NRG1: variants seen among roughly 807,000 people sequenced by gnomAD.
NRG1 encodes the protein pro-neuregulin-1, membrane-bound isoform.
Under a neutral mutation model 63.8 loss-of-function variants are expected in NRG1, and 18 were observed. The ratio of observed to expected loss-of-function variants is 0.28; its 90% CI spans 0.19 to 0.42. The LOEUF is 0.42. Among genes scored for constraint, NRG1 ranks in the 10% least tolerant of loss-of-function variants. NRG1 has a pLI of 1.00. For missense variants in NRG1, 762 were observed against 814.7 expected (o/e 0.94, Z 0.79); for synonymous variants, 302 against 301.3 (o/e 1.00, Z -0.02).
At chr8:32,223,642 C>G (rs1846041927) in intron 1 of NRG1, among the ~76,000 whole-genome samples, 1 of 152,122 alleles carries the variant, frequency 6.6e-6, no homozygotes, top group African/African-American at 2.4e-5. Context: ...ATTTTTGCAC[C>G]TCCTCAGCAG....
intron 1 of NRG1, among the ~76,000 whole-genome samples, chr8:31,688,404 C>T (rs1042029497): frequency 2.6e-5 from 4 of 152,152 alleles, no homozygotes; most frequent in Non-Finnish European, 4.4e-5. Context: ...TGGGCCCTCA[C>T]TCAATCTGCT....
intron 1 of NRG1, among the ~76,000 whole-genome samples, chr8:32,585,744 A>C (rs868074716): frequency 7.2e-5 from 11 of 152,336 alleles, no homozygotes; most frequent in East Asian, 3.9e-4. Context: ...GCAATTTTGC[A>C]TATCTACTGT....
In NRG1 at chr8:31,894,553, C is replaced by CT. The variant is rs397892970; in HGVS notation, c.37+255137dup. ...CATAATTGCTATTTCTTTCTTTTTT[C>CT]TTTTTTTTTTTTTTTGAGATGGAGT... is the stretch of plus-strand genomic sequence containing the variant. On this transcript the variant is annotated intron_variant, in intron 1 of 10. Transcript: ENST00000519301. Among the ~76,000 whole-genome samples the CT allele has an allele frequency of 1.3e-3, 117 of 91,950 alleles. 1 individual carries two copies. The highest frequency in any genetic ancestry group is 5.3e-3 in the East Asian group (5 of 944). The allele number at this position is 91,950 out of a possible 152,430, so 60.3% of individuals were successfully genotyped here. A position where few individuals can be genotyped will look rare whatever the true frequency, so the allele number is the denominator to read the frequency against.
In NRG1 at chr8:32,274,777, T is replaced by C. The variant is rs1851912910; in HGVS notation, c.38-321051T>C. 3.9e-5 allele frequency among the ~76,000 whole-genome samples: 6 copies of C among 152,184 alleles called. No individual in the cohort carries two copies. In the South Asian group the frequency reaches 1.2e-3, roughly 31 times the overall value. On this transcript the variant is annotated intron_variant, in intron 1 of 10. Transcript: ENST00000519301. ...AGATGTGTCAAATCAAGTTCTGCTA[T>C]TTTAATTTTTTTCCAGGCAAACCCT...
intron 1 of NRG1, among the ~76,000 whole-genome samples, chr8:32,586,171 T>C (rs1841577589): frequency 1.3e-5 from 2 of 148,812 alleles, no homozygotes; most frequent in South Asian, 4.2e-4. Flanking sequence ...TATATATATA[T>C]ATATATATAT....
chr8:31,825,788 G>A (rs770923081), intron 1 of NRG1, among the ~76,000 whole-genome samples: 7 of 152,278 alleles, frequency 4.6e-5, no homozygotes, highest in East Asian at 1.9e-4. Context: ...TCTGTGACAC[G>A]GTCATAGAAT....
At chr8:32,504,099 C>T (rs1264197255) in intron 1 of NRG1, among the ~76,000 whole-genome samples, 1 of 152,172 alleles carries the variant, frequency 6.6e-6, no homozygotes, top group African/African-American at 2.4e-5. Flanking sequence ...CTTTTAGTGC[C>T]ATGCTTGAGC....
At chr8:32,163,361 G>A (rs1017782032) in intron 1 of NRG1, among the ~76,000 whole-genome samples, 7 of 152,308 alleles carry the variant, frequency 4.6e-5, no homozygotes, top group African/African-American at 1.7e-4. Context: ...ACAAGACTAC[G>A]ACACAGTCTT....
At chr8:31,810,069 G>T (rs1224841962) in intron 1 of NRG1, among the ~76,000 whole-genome samples, 1 of 151,856 alleles carries the variant, frequency 6.6e-6, no homozygotes, top group Non-Finnish European at 1.5e-5. Context: ...GCCAACCTTG[G>T]ATTCATCCTG....
At chr8:32,688,079 G>A (rs1022084036) in intron 5 of NRG1, among the ~76,000 whole-genome samples, 8 of 152,112 alleles carry the variant, frequency 5.3e-5, no homozygotes, top group African/African-American at 1.7e-4. Context: ...CTCCCTTAAC[G>A]TTCCAGCTAG....
intron 1 of NRG1, among the ~76,000 whole-genome samples, chr8:32,357,319 A>G (rs55940647): frequency 0.056 from 8,573 of 152,336 alleles, 317 homozygotes; most frequent in Middle Eastern, 0.099. Flanking sequence ...CCCAACTGTT[A>G]GCACAAAGAA....
intron 1 of NRG1, among the ~76,000 whole-genome samples, chr8:31,782,298 C>T (rs562053521): frequency 3.3e-5 from 5 of 152,172 alleles, no homozygotes; most frequent in African/African-American, 1.2e-4. Context: ...TCCTTACTTC[C>T]TTCAGATTTT....
At chr8:32,134,474 T>C (rs1443999052) in intron 1 of NRG1, among the ~76,000 whole-genome samples, 1 of 152,168 alleles carries the variant, frequency 6.6e-6, no homozygotes, top group African/African-American at 2.4e-5. Context: ...GTTTTAATTA[T>C]CTCTTTTATT....
intron 1 of NRG1, among the ~76,000 whole-genome samples, chr8:31,820,377 G>T (rs1424340823): frequency 6.6e-6 from 1 of 152,188 alleles, no homozygotes; most frequent in African/African-American, 2.4e-5. Context: ...GACTCTCGGG[G>T]AGAGTAAAAA....
At chr8:32,523,900 G>A (rs533334443) in intron 1 of NRG1, among the ~76,000 whole-genome samples, 1 of 152,250 alleles carries the variant, frequency 6.6e-6, no homozygotes, top group African/African-American at 2.4e-5. Context: ...GTTGCAAACA[G>A]TAGGTCTATA....
intron 5 of NRG1, among the ~76,000 whole-genome samples, chr8:32,698,054 A>G: frequency 6.6e-6 from 1 of 152,090 alleles, no homozygotes; most frequent in East Asian, 1.9e-4. Flanking sequence ...AAAAATACAA[A>G]AATTAGCTGA....
At chr8:32,578,230 G>A (rs1327668811) in intron 1 of NRG1, among the ~76,000 whole-genome samples, 1 of 152,098 alleles carries the variant, frequency 6.6e-6, no homozygotes, top group Non-Finnish European at 1.5e-5. Context: ...GCCTGACCTC[G>A]TGATCCACCC....
rs567898100 is a variant in NRG1 at position 32,223,873 on chromosome 8, G to A, written c.38-371955G>A. The stretch of plus-strand genomic sequence containing the variant: ...AGCAGCAGCTGACTATGAGTAAGAG[G>A]ACAAGATGCACAAAGAGGGAGAAGA... On this transcript the variant is annotated intron_variant, in intron 1 of 10. Transcript: ENST00000519301. Among the ~76,000 whole-genome samples, 4 of 152,230 alleles carry A rather than the reference G, an allele frequency of 2.6e-5. No homozygotes were observed. In the South Asian group the frequency reaches 8.3e-4, roughly 32 times the overall value.
chr8:32,736,801 G>A (rs1395369932), intron 6 of NRG1, among the ~76,000 whole-genome samples: 1 of 151,894 alleles, frequency 6.6e-6, no homozygotes, highest in Non-Finnish European at 1.5e-5. Flanking sequence ...TTTATAAATT[G>A]ACCATAAATG....
Sources: gnomAD v4.1 joint callset for allele counts (sites outside exome capture counted in the v4.1 genomes callset) on GRCh38, gnomAD v4.1.1 for gene constraint, MANE v1.5 for transcripts, NCBI Gene and HGNC (gene_info 2026-07-23, HGNC 2026-07-21) for gene names.